The following MESP1 variants were observed in gnomAD, a reference collection of about 807,000 sequenced individuals.
MESP1 encodes the protein mesoderm posterior protein 1.
Under a neutral mutation model 15.2 loss-of-function variants are expected in MESP1, and 22 were observed. The ratio of observed to expected loss-of-function variants is 1.45; its 90% CI spans 1.04 to 2.07. The LOEUF (loss-of-function observed/expected upper bound fraction) is 2.07, where lower values mean the gene tolerates loss of function less well. MESP1 is among the 30% of genes most tolerant of loss of function. The pLI, the probability that MESP1 is intolerant of heterozygous loss-of-function variation, is 0.00. For missense variants in MESP1, 484 were observed against 411.9 expected, an observed-to-expected ratio of 1.17 and a Z score of -1.51; for synonymous variants, 216 against 192.6, an observed-to-expected ratio of 1.12 and a Z score of -1.01.
chr15:89,742,691 G>A, the MESP1 span, among the ~76,000 whole-genome samples: 2 of 152,092 alleles, frequency 1.3e-5, no homozygotes, highest in African/African-American at 2.4e-5. Context: ...GTGCCACCAC[G>A]CCTGGCAAGT....
downstream of MESP1, among the ~76,000 whole-genome samples, chr15:89,746,427 CGCATCCACACCTCCACACA>C (rs1397796194): frequency 1.3e-4 from 18 of 143,028 alleles, no homozygotes; most frequent in South Asian, 9.4e-4. Context: ...ACATCCACAC[CGCATCCACACCTCCACACA>C]GCATCCACAC....
At chr15:89,735,617 C>A in the MESP1 span, 1 of 1,521,886 alleles carries the variant, frequency 6.6e-7, no homozygotes, top group South Asian at 1.1e-5. Flanking sequence ...TGAATGTGTT[C>A]ATCTGTCCTT....
rs1968070550 is a variant in MESP1 at position 89,750,639 on chromosome 15, C to T, written c.593G>A (p.Gly198Glu). Reference protein sequence around the residue: ...GLGLVSAVRAGASWGSPPACP... With the variant: ...GLGLVSAVRAEASWGSPPACP... ...GGCAGGCGGGGATCCCCAGGACGCCCCGGCGCGGACGGCGGATACCAGGCC... is the reference window on the plus strand; with the variant it reads ...GGCAGGCGGGGATCCCCAGGACGCCTCGGCGCGGACGGCGGATACCAGGCC... The change falls in exon 1 of 2, where the codon GGG (glycine) becomes GAG (glutamate). Residue 198 changes from glycine to glutamate, a missense_variant. Physicochemically the swap from Gly to Glu is moderately conservative, Grantham distance 98. Transcript: ENST00000300057. The T allele has an allele frequency of 5.1e-6, 7 of 1,373,986 alleles. No homozygotes were observed. The East Asian group carries it at 1.8e-4, about 35-fold the overall frequency. The allele number at this position is 1,373,986 out of a possible 1,614,324, so 85.1% of individuals were successfully genotyped here.
chr15:89,750,106 G>C lies in MESP1; in HGVS notation c.*38C>G, dbSNP rs1968052437. On this transcript the variant is annotated 3_prime_UTR_variant, in exon 2 of 2. Coordinates refer to ENST00000300057, the MANE Select transcript of MESP1 (RefSeq NM_018670.4). ...ACTTCGAAGGTGCTGAGGCCAAAAA[G>C]CCTCGGTGCTCACAGAGACGGCGTC... 1 of 1,601,218 alleles carries C rather than the reference G, an allele frequency of 6.2e-7. No individual in the cohort carries two copies.
chr15:89,735,611 T>C, the MESP1 span: 1 of 1,532,206 alleles, frequency 6.5e-7, no homozygotes, highest in Non-Finnish European at 9.0e-7. Context: ...CTTCTGTGAA[T>C]GTGTTCATCT....
the MESP1 span, chr15:89,738,045 C>G: frequency 1.5e-3 from 2,388 of 1,608,768 alleles, 30 homozygotes; most frequent in African/African-American, 0.027. Flanking sequence ...TCACAGGAGA[C>G]TATTCACATG....
At position 89,751,065 on chromosome 15, in the gene MESP1, G is replaced by GGGGGGCTCGGCA. The variant is rs1555437297; in HGVS notation, c.166_167insTGCCGAGCCCCC (p.Ala56delinsValProSerProPro). On this transcript the variant is annotated protein_altering_variant, in exon 1 of 2. Transcript: ENST00000300057. ...GGGGTCCCGGAGGGTGCCTGGCCGC[G>GGGGGGCTCGGCA]CGGGGCTCGCCACGGGGCTGTCGGC... is the stretch of plus-strand genomic sequence containing the variant. 1 of 1,239,272 alleles carries GGGGGGCTCGGCA rather than the reference G, an allele frequency of 8.1e-7. No individual in the cohort carries two copies. Among genetic ancestry groups the GGGGGGCTCGGCA allele is most frequent in the Non-Finnish European group, 1.0e-6 (1 of 998,262 alleles). The allele number at this position is 1,239,272 out of a possible 1,614,324, so 76.8% of individuals were successfully genotyped here.
chr15:89,745,663 C>G (rs562955177), downstream of MESP1, among the ~76,000 whole-genome samples: 5 of 152,216 alleles, frequency 3.3e-5, no homozygotes, highest in Admixed American at 2.6e-4. The surrounding 1 kb of genome is among the most constrained non-coding windows in gnomAD (Gnocchi z 4.8). Flanking sequence ...CTCGGGAAAG[C>G]TGAGACAGGA....
the MESP1 span, chr15:89,735,663 G>A: frequency 9.1e-7 from 1 of 1,101,250 alleles, no homozygotes; most frequent in South Asian, 1.3e-5. Context: ...TATGTGTTAG[G>A]CACTGGACTA....
Position 89,750,698 on chromosome 15 carries a change from C to T in MESP1, c.534G>A (p.Thr178=), listed in dbSNP as rs1968072708. 1 of 1,372,036 alleles carries T rather than the reference C, an allele frequency of 7.3e-7. No homozygotes were observed. The highest frequency in any genetic ancestry group is 1.7e-5 in the South Asian group (1 of 58,156). 85.0% of individuals were successfully genotyped at this position (1,372,036 alleles called of 1,614,324 possible). A position where few individuals can be genotyped will look rare whatever the true frequency, so the allele number is the denominator to read the frequency against. ...GCCCCTGCCCCTGCCCCTCAGCCTG[C>T]GTCCGTGTCTGCATCTGCGCGGGGC... is the stretch of plus-strand genomic sequence containing the variant. ...DDCPAQMQTR[T]QAEGQGQGRG... Residue 178 remains threonine, a synonymous_variant, in exon 1 of 2, where the codon ACG becomes ACA. Transcript: ENST00000300057.
the MESP1 span, among the ~76,000 whole-genome samples, chr15:89,735,163 C>T: frequency 6.6e-6 from 1 of 152,152 alleles, no homozygotes; most frequent in Non-Finnish European, 1.5e-5. Flanking sequence ...TGAGCCACTG[C>T]ACCCAGCCTC....
the MESP1 span, among the ~76,000 whole-genome samples, chr15:89,741,439 G>T: frequency 0.012 from 1,807 of 152,182 alleles, 39 homozygotes; most frequent in African/African-American, 0.042. Context: ...TGTTGCCCAG[G>T]CTGGTCTTGA....
At chr15:89,745,636 A>G (rs111500564), downstream of MESP1, among the ~76,000 whole-genome samples, 8,544 of 152,116 alleles carry the variant, frequency 0.056, 866 homozygotes, top group African/African-American at 0.2. The surrounding 1 kb of genome is among the most constrained non-coding windows in gnomAD (Gnocchi z 4.8). Flanking sequence ...AGTGATGGGC[A>G]CCTGTAGTCC....
downstream of MESP1, among the ~76,000 whole-genome samples, chr15:89,748,414 A>G (rs988203265): frequency 3.3e-5 from 5 of 152,196 alleles, no homozygotes; most frequent in South Asian, 6.2e-4. Flanking sequence ...ACTGCAGATC[A>G]GGGACTCGAT....
chr15:89,738,151 A>T, the MESP1 span: 7 of 1,614,082 alleles, frequency 4.3e-6, no homozygotes, highest in African/African-American at 1.3e-5. Flanking sequence ...AAAAAATTGT[A>T]CCATTCCTCA....
Position 89,750,602 on chromosome 15 carries a change from G to C in MESP1, c.630C>G (p.Ala210=). Residue 210 remains alanine (A), a synonymous_variant, in exon 1 of 2, where the codon GCC becomes GCG. Transcript: ENST00000300057. The part of the protein sequence containing the change: ...SWGSPPACPG[A]RAAPEPRDPP... ...GGTCGCGCGGCTCGGGTGCAGCTCGGGCTCCGGGGCAGGCAGGCGGGGATC... is the reference window on the plus strand; with the variant it reads ...GGTCGCGCGGCTCGGGTGCAGCTCGCGCTCCGGGGCAGGCAGGCGGGGATC... 1 of 1,398,958 alleles carries C rather than the reference G, an allele frequency of 7.1e-7. No homozygotes were observed. Among genetic ancestry groups the C allele is most frequent in the African/African-American group, 1.5e-5 (1 of 66,068 alleles). The allele number at this position is 1,398,958 out of a possible 1,614,324, so 86.7% of individuals were successfully genotyped here. A position where few individuals can be genotyped will look rare whatever the true frequency, so the allele number is the denominator to read the frequency against.
the MESP1 span, among the ~76,000 whole-genome samples, chr15:89,736,832 C>T: frequency 2.7e-5 from 4 of 150,584 alleles, no homozygotes; most frequent in African/African-American, 9.8e-5. Flanking sequence ...CGCTCTGCCG[C>T]CCAGGCTGGA....
At chr15:89,732,457 C>T in the MESP1 span, among the ~76,000 whole-genome samples, 1 of 152,200 alleles carries the variant, frequency 6.6e-6, no homozygotes, top group East Asian at 1.9e-4. Flanking sequence ...AAGATAAACA[C>T]CACTAAAGAC....
chr15:89,740,110 T>C, the MESP1 span, among the ~76,000 whole-genome samples: 1 of 152,140 alleles, frequency 6.6e-6, no homozygotes, highest in Non-Finnish European at 1.5e-5. Flanking sequence ...CTTAAGGTAT[T>C]AAGTGGGATG....
Sources: allele counts gnomAD v4.1 joint callset (sites outside exome capture counted in the v4.1 genomes callset), GRCh38; gene constraint gnomAD v4.1.1; non-coding constraint Gnocchi (gnomAD v3.1); transcripts MANE v1.5; gene names NCBI Gene and HGNC (gene_info 2026-07-23, HGNC 2026-07-21).